The following CNTNAP2 variants were observed in gnomAD, a reference collection of about 807,000 sequenced individuals.
The protein encoded by CNTNAP2 is contactin associated protein 2.
Under a neutral mutation model 155.2 loss-of-function variants are expected in CNTNAP2, and 98 were observed. The ratio of observed to expected loss-of-function variants is 0.63; its 90% CI spans 0.54 to 0.75. CNTNAP2 has a LOEUF of 0.75. CNTNAP2 is among the 30% of genes least tolerant of loss of function. The pLI, the probability that CNTNAP2 is intolerant of heterozygous loss-of-function variation, is 0.00. For synonymous variants in CNTNAP2, 651 were observed against 631.2 expected, an observed-to-expected ratio of 1.03 and a Z score of -0.47; for missense variants, 1,727 against 1,688.1, an observed-to-expected ratio of 1.02 and a Z score of -0.40.
At chr7:147,377,041 A>T (rs1242089599) in intron 9 of CNTNAP2, among the ~76,000 whole-genome samples, 1 of 151,956 alleles carries the variant, frequency 6.6e-6, no homozygotes, top group Non-Finnish European at 1.5e-5. Context: ...TTTAAGAAAA[A>T]ATCAATAGTT....
At chr7:146,324,368 C>T (rs931208412) in intron 1 of CNTNAP2, among the ~76,000 whole-genome samples, 8 of 152,230 alleles carry the variant, frequency 5.3e-5, no homozygotes, top group Non-Finnish European at 1.2e-4. Flanking sequence ...ACCAATGGTG[C>T]TCTCATTCAG....
intron 14 of CNTNAP2, among the ~76,000 whole-genome samples, chr7:147,956,132 C>T (rs958926704): frequency 6.6e-6 from 1 of 152,122 alleles, no homozygotes; most frequent in African/African-American, 2.4e-5. Context: ...TTTGAATATA[C>T]TCAATAAACA....
intron 1 of CNTNAP2, among the ~76,000 whole-genome samples, chr7:146,540,814 A>C (rs979567462): frequency 6.6e-5 from 10 of 152,010 alleles, no homozygotes; most frequent in African/African-American, 2.4e-4. Context: ...GAAAAATGTT[A>C]ACTAAATTTT....
At chr7:146,927,535 C>A (rs1406995721) in intron 3 of CNTNAP2, among the ~76,000 whole-genome samples, 3 of 151,742 alleles carry the variant, frequency 2.0e-5, no homozygotes, top group South Asian at 2.1e-4. Context: ...TGTGTAAATA[C>A]AATATACAAT....
At chr7:146,661,248 C>G (rs1800082049) in intron 1 of CNTNAP2, among the ~76,000 whole-genome samples, 1 of 152,054 alleles carries the variant, frequency 6.6e-6, no homozygotes, top group South Asian at 2.1e-4. Flanking sequence ...ACCACACTTT[C>G]ACTAATTTTA....
At chr7:147,035,930 T>A (rs972568382) in intron 3 of CNTNAP2, among the ~76,000 whole-genome samples, 1 of 152,198 alleles carries the variant, frequency 6.6e-6, no homozygotes. Context: ...TATAGTCTCC[T>A]CCAGTTTGAT....
intron 10 of CNTNAP2, among the ~76,000 whole-genome samples, chr7:147,485,488 G>A (rs762191814): frequency 2.6e-5 from 4 of 152,070 alleles, no homozygotes; most frequent in South Asian, 2.1e-4. Context: ...TTATCATGAC[G>A]TTATTTCAAA....
At chr7:146,842,085 C>T (rs1399641804) in intron 3 of CNTNAP2, among the ~76,000 whole-genome samples, 1 of 152,176 alleles carries the variant, frequency 6.6e-6, no homozygotes, top group African/African-American at 2.4e-5. Flanking sequence ...CAGGGTTTCA[C>T]CAGGTTGGTC....
Position 148,415,634 on chromosome 7 carries a change from A to G in CNTNAP2, c.*18A>G, listed in dbSNP as rs766111557. 1 of 1,614,120 alleles carries G rather than the reference A, an allele frequency of 6.2e-7. No homozygotes were observed. The highest frequency in any genetic ancestry group is 1.1e-5 in the South Asian group (1 of 91,076). ...TCATTTGAGGGGTGGCTACTTGGCTATGGGATAGGGAGGAGGGAATTACTA... is the reference window on the plus strand; with the variant it reads ...TCATTTGAGGGGTGGCTACTTGGCTGTGGGATAGGGAGGAGGGAATTACTA... On this transcript the variant is annotated 3_prime_UTR_variant, in exon 24 of 24. Coordinates refer to ENST00000361727, the MANE Select transcript of CNTNAP2 (RefSeq NM_014141.6).
At chr7:146,774,696 A>G (rs1456141780) in intron 2 of CNTNAP2, among the ~76,000 whole-genome samples, 1 of 152,202 alleles carries the variant, frequency 6.6e-6, no homozygotes, top group Non-Finnish European at 1.5e-5. Context: ...AAAATCATTT[A>G]GAAAGATGTA....
intron 8 of CNTNAP2, among the ~76,000 whole-genome samples, chr7:147,194,715 A>C (rs1005663532): frequency 6.6e-6 from 1 of 151,960 alleles, no homozygotes; most frequent in African/African-American, 2.4e-5. Context: ...TGGCTGCATA[A>C]ATGTGTTTGA....
At position 147,630,050 on chromosome 7, in the gene CNTNAP2, T is replaced by A. The variant is rs564284250; in HGVS notation, c.1898-9056T>A. On this transcript the variant is annotated intron_variant, in intron 12 of 23. Coordinates refer to ENST00000361727, the MANE Select transcript of CNTNAP2 (RefSeq NM_014141.6). ...AAAAAAAGTGGGTTCTTTGAAAAGATAAACATAATTGATAGACCATTAGCA... is the reference window on the plus strand; with the variant it reads ...AAAAAAAGTGGGTTCTTTGAAAAGAAAAACATAATTGATAGACCATTAGCA... Among the ~76,000 whole-genome samples the A allele has an allele frequency of 1.3e-4, 20 of 151,236 alleles. 1 individual carries two copies. In the East Asian group the frequency reaches 3.9e-3, roughly 30 times the overall value.
intron 1 of CNTNAP2, among the ~76,000 whole-genome samples, chr7:146,192,680 G>A (rs187231101): frequency 2.6e-5 from 4 of 152,260 alleles, no homozygotes; most frequent in Admixed American, 6.5e-5. Context: ...TTCAAGGTGG[G>A]TGGGGACACA....
At chr7:146,184,791 A>G (rs1417796617) in intron 1 of CNTNAP2, among the ~76,000 whole-genome samples, 2 of 152,220 alleles carry the variant, frequency 1.3e-5, no homozygotes, top group East Asian at 3.8e-4. Flanking sequence ...ATTAGACTTC[A>G]AAGAAAAGCA....
chr7:146,720,681 CTGTT>C (rs985703686), intron 1 of CNTNAP2, among the ~76,000 whole-genome samples: 5 of 151,670 alleles, frequency 3.3e-5, no homozygotes, highest in African/African-American at 1.2e-4. Flanking sequence ...CATTCACTGT[CTGTT>C]ACGTTTTCAC....
intron 13 of CNTNAP2, among the ~76,000 whole-genome samples, chr7:147,772,142 T>C (rs974468619): frequency 6.6e-6 from 1 of 151,838 alleles, no homozygotes; most frequent in Admixed American, 6.6e-5. Flanking sequence ...TATCTTGTAA[T>C]TGGCCAGGCA....
At position 148,161,048 on chromosome 7, in the gene CNTNAP2, G is replaced by A. The variant is rs115195634; in HGVS notation, c.2774-11194G>A. On this transcript the variant is annotated intron_variant, in intron 17 of 23. Coordinates refer to ENST00000361727, the MANE Select transcript of CNTNAP2 (RefSeq NM_014141.6). ...ACGAAAATGTTCATCAGCTTTATCC[G>A]TTCTGCCATTCAGCCCCTCCAAGGA... Among the ~76,000 whole-genome samples, 1,103 of 152,110 alleles carry A rather than the reference G, an allele frequency of 7.3e-3. 26 individuals are homozygous for A. The highest frequency in any genetic ancestry group is 0.025 in the African/African-American group (1,020 of 41,504).
At chr7:147,719,707 A>G (rs1554426223) in intron 13 of CNTNAP2, among the ~76,000 whole-genome samples, 4 of 152,268 alleles carry the variant, frequency 2.6e-5, no homozygotes, top group East Asian at 1.9e-4. Flanking sequence ...TTTGAATAAT[A>G]TTAAAAACAA....
In CNTNAP2 at chr7:147,171,291, C is replaced by T. The variant is rs1802221020; in HGVS notation, c.1348+38782C>T. 1.3e-5 allele frequency among the ~76,000 whole-genome samples: 2 copies of T among 152,218 alleles called. 1 individual carries two copies. Among genetic ancestry groups the T allele is most frequent in the African/African-American group, 4.8e-5 (2 of 41,442 alleles). On this transcript the variant is annotated intron_variant, in intron 8 of 23. Transcript: ENST00000361727. ...AGCATCTGCGTGTTTTCTTCATCCA[C>T]ATTCGGTATTTTCTCTCTGAAGATC...
Sources: allele counts gnomAD v4.1 joint callset (sites outside exome capture counted in the v4.1 genomes callset), GRCh38; gene constraint gnomAD v4.1.1; transcripts MANE v1.5; gene names NCBI Gene and HGNC (gene_info 2026-07-23, HGNC 2026-07-21).